Variants in ZNF555 observed in about 807,000 individuals in gnomAD.
The protein encoded by ZNF555 is zinc finger protein 555.
In ZNF555, 10 loss-of-function variants were observed where a neutral mutation model predicts 14.0. The observed-to-expected ratio is 0.72, with a 90% CI of 0.44 to 1.21. The LOEUF (loss-of-function observed/expected upper bound fraction) is 1.21. ZNF555 is among the 50% of genes most tolerant of loss of function. The pLI, the probability that ZNF555 is intolerant of heterozygous loss-of-function variation, is 0.00. For synonymous variants in ZNF555, 277 were observed against 262.4 expected (o/e 1.06, Z -0.54); for missense variants, 747 against 762.0 (o/e 0.98, Z 0.23).
Position 2,857,598 on chromosome 19 carries a change from C to T in ZNF555, c.*3646C>T, listed in dbSNP as rs1290831864. The T allele has an allele frequency of 6.6e-6, 1 of 152,116 alleles. No homozygotes were observed. The highest frequency in any genetic ancestry group is 1.5e-5 in the Non-Finnish European group (1 of 68,024). 9.4% of individuals were successfully genotyped at this position (152,116 alleles called of 1,614,324 possible). On this transcript the variant is annotated 3_prime_UTR_variant, in exon 4 of 4. Coordinates refer to ENST00000334241, the MANE Select transcript of ZNF555 (RefSeq NM_152791.5). ...TTGTAGTGGTGAAAACAAGCATTTG[C>T]AAAAACTCATAAGGCTACTCTTAAA... is the stretch of plus-strand genomic sequence containing the variant.
At chr19:2,844,383 G>A (rs1347430025) in intron 1 of ZNF555, among the ~76,000 whole-genome samples, 2 of 152,078 alleles carry the variant, frequency 1.3e-5, no homozygotes, top group South Asian at 2.1e-4. Context: ...GATTACAGGC[G>A]GGAGCCACTG....
In ZNF555 at chr19:2,857,792, A is replaced by G. The variant is rs1170580501; in HGVS notation, c.*3840A>G. Reference sequence around the variant, plus strand: ...CAGGAGGTTGAGGCTGCAGTGAACTATGATCATGCACTGCACTCTACACTG... The same window carrying G: ...CAGGAGGTTGAGGCTGCAGTGAACTGTGATCATGCACTGCACTCTACACTG... On this transcript the variant is annotated 3_prime_UTR_variant, in exon 4 of 4. Transcript: ENST00000334241. 6.6e-6 allele frequency: 1 copy of G among 152,182 alleles called. No homozygotes were observed. The highest frequency in any genetic ancestry group is 2.4e-5 in the African/African-American group (1 of 41,416). The allele number at this position is 152,182 out of a possible 1,614,324, so 9.4% of individuals were successfully genotyped here. A position where few individuals can be genotyped will look rare whatever the true frequency, so the allele number is the denominator to read the frequency against.
In ZNF555 at chr19:2,853,581, A is replaced by G. The variant is rs1816714085; in HGVS notation, c.1516A>G (p.Lys506Glu). ...ACATATGAGAAGACATACCGCAGAG[A>G]AACTCTATAAATGCAAGCAGTGTGG... is the stretch of plus-strand genomic sequence containing the variant. Reference protein sequence around the residue: ...QKHMRRHTAEKLYKCKQCGKA... With the variant: ...QKHMRRHTAEELYKCKQCGKA... Residue 506 changes from lysine to glutamate, a missense_variant, in exon 4 of 4, where the codon AAA becomes GAA. By Grantham distance (56) the Lys-to-Glu change is moderately conservative. Transcript: ENST00000334241. The G allele has an allele frequency of 6.2e-7, 1 of 1,609,448 alleles. No homozygotes were observed. The highest frequency in any genetic ancestry group is 8.5e-7 in the Non-Finnish European group (1 of 1,177,300).
chr19:2,847,160 C>G (rs1168161385), intron 1 of ZNF555: 1 of 152,158 alleles, frequency 6.6e-6, no homozygotes, highest in Non-Finnish European at 1.5e-5. Context: ...AAATATTTTA[C>G]CATTTTCTCT....
At position 2,853,979 on chromosome 19, in the gene ZNF555, A is replaced by AAGGAGTGTG. The variant is rs759897601; in HGVS notation, c.*28_*36dup. The AAGGAGTGTG allele has an allele frequency of 2.4e-5, 38 of 1,610,610 alleles. No homozygotes were observed. The highest frequency in any genetic ancestry group is 1.7e-4 in the Middle Eastern group (1 of 5,762). On this transcript the variant is annotated 3_prime_UTR_variant, in exon 4 of 4. Coordinates refer to ENST00000334241, the MANE Select transcript of ZNF555 (RefSeq NM_152791.5). ...TTCCTTATCCTGAAAGTGGACACTC[A>AAGGAGTGTG]AGGAGTGTGTCTGTAGTTCATTTGC...
rs1397792106 is a variant in ZNF555, at chr19:2,859,097, C to A, written c.*5145C>A. ...GGAAGTGGAGTTCCCGAACAGAAGC[C>A]CCTCAGTCTCCGGAAGCCCCGCCCG... On this transcript the variant is annotated 3_prime_UTR_variant, in exon 4 of 4. Coordinates refer to ENST00000334241, the MANE Select transcript of ZNF555 (RefSeq NM_152791.5). The A allele has an allele frequency of 6.6e-6, 1 of 152,336 alleles. No homozygotes were observed. Among genetic ancestry groups the A allele is most frequent in the Non-Finnish European group, 1.5e-5 (1 of 68,122 alleles). 9.4% of individuals were successfully genotyped at this position (152,336 alleles called of 1,614,324 possible).
At chr19:2,842,255 C>G (rs1199549946) in intron 1 of ZNF555, among the ~76,000 whole-genome samples, 1 of 152,196 alleles carries the variant, frequency 6.6e-6, no homozygotes, top group Non-Finnish European at 1.5e-5. Context: ...TTCTTGAGGA[C>G]TTCTTGTCCC....
chr19:2,848,180 C>G (rs1478254148), intron 1 of ZNF555, among the ~76,000 whole-genome samples: 1 of 149,568 alleles, frequency 6.7e-6, no homozygotes, highest in Non-Finnish European at 1.5e-5. Flanking sequence ...GAGCTGGAGT[C>G]TGGCTCTGTC....
Position 2,853,863 on chromosome 19 carries a change from C to T in ZNF555, c.1798C>T (p.Pro600Ser). Residue 600 changes from proline to serine, a missense_variant, in exon 4 of 4, where the codon CCT becomes TCT. Coordinates refer to ENST00000334241, the MANE Select transcript of ZNF555 (RefSeq NM_152791.5). The stretch of plus-strand genomic sequence containing the variant: ...GTATAAGTGTAATGTAGGACATCCT[C>T]CTGCAAATGAATTCATGTGCAGTGC... ...KQYKCNVGHP[P>S]ANEFMCSASE... The T allele has an allele frequency of 6.2e-7, 1 of 1,614,078 alleles. No homozygotes were observed. The highest frequency in any genetic ancestry group is 8.5e-7 in the Non-Finnish European group (1 of 1,180,024).
In ZNF555 at chr19:2,853,961, T is replaced by C. The variant is rs1027882798; in HGVS notation, c.*9T>C. 2 of 1,613,020 alleles carry C rather than the reference T, an allele frequency of 1.2e-6. No homozygotes were observed. Among genetic ancestry groups the C allele is most frequent in the East Asian group, 2.2e-5 (1 of 44,870 alleles). ...TGGTGTTGCCTTTATGAGTTCCTTA[T>C]CCTGAAAGTGGACACTCAAGGAGTG... On this transcript the variant is annotated 3_prime_UTR_variant, in exon 4 of 4. Coordinates refer to ENST00000334241, the MANE Select transcript of ZNF555 (RefSeq NM_152791.5).
rs1453504599 is a variant in ZNF555, at chr19:2,850,653, G to C, written c.70G>C (p.Ala24Pro). Residue 24 changes from alanine (A) to proline (P), a missense_variant, in exon 2 of 4, where the codon GCT (alanine) becomes CCT (proline). By Grantham distance (27) the Ala-to-Pro change is conservative. Coordinates refer to ENST00000334241, the MANE Select transcript of ZNF555 (RefSeq NM_152791.5). Reference protein sequence around the residue: ...TLEEWALLDSAQRDLYRDVML... With the variant: ...TLEEWALLDSPQRDLYRDVML... Reference sequence around the variant, plus strand: ...GGAGGAGTGGGCTTTGCTGGATTCTGCTCAGAGGGACCTCTACAGAGATGT... The same window carrying C: ...GGAGGAGTGGGCTTTGCTGGATTCTCCTCAGAGGGACCTCTACAGAGATGT... 2.5e-6 allele frequency: 4 copies of C among 1,613,858 alleles called. No individual in the cohort carries two copies. Among genetic ancestry groups the C allele is most frequent in the East Asian group, 2.2e-5 (1 of 44,886 alleles).
intron 1 of ZNF555, among the ~76,000 whole-genome samples, chr19:2,842,692 C>T (rs951307963): frequency 1.3e-5 from 2 of 152,034 alleles, no homozygotes; most frequent in Non-Finnish European, 2.9e-5. Context: ...TTCCTTTTTT[C>T]GAGTCAGCAG....
At chr19:2,852,306 A>C in intron 3 of ZNF555, 74 bp from the exon 4 acceptor site, 3 of 1,567,274 alleles carry the variant, frequency 1.9e-6, no homozygotes, top group Non-Finnish European at 2.6e-6. Context: ...AAAATGGTTA[A>C]GATGCAGTCC....
In ZNF555 at chr19:2,859,294, C is replaced by T. The variant is rs924215840; in HGVS notation, c.*5342C>T. 3 of 152,296 alleles carry T rather than the reference C, an allele frequency of 2.0e-5. No homozygotes were observed. The highest frequency in any genetic ancestry group is 7.2e-5 in the African/African-American group (3 of 41,464). The allele number at this position is 152,296 out of a possible 1,614,324, so 9.4% of individuals were successfully genotyped here. A position where few individuals can be genotyped will look rare whatever the true frequency, so the allele number is the denominator to read the frequency against. On this transcript the variant is annotated 3_prime_UTR_variant, in exon 4 of 4. Transcript: ENST00000334241. ...GGTACTGGAAGTGGCGGAAGCTCTCCTCTTGCCCTCTTCAGCTTCCGGTGT... is the reference window on the plus strand; with the variant it reads ...GGTACTGGAAGTGGCGGAAGCTCTCTTCTTGCCCTCTTCAGCTTCCGGTGT...
rs955628652 is a variant in ZNF555 at position 2,857,182 on chromosome 19, G to C, written c.*3230G>C. 5.9e-5 allele frequency: 9 copies of C among 152,214 alleles called. No homozygotes were observed. Among genetic ancestry groups the C allele is most frequent in the Non-Finnish European group, 1.0e-4 (7 of 68,038 alleles). The allele number at this position is 152,214 out of a possible 1,614,324, so 9.4% of individuals were successfully genotyped here. A position where few individuals can be genotyped will look rare whatever the true frequency, so the allele number is the denominator to read the frequency against. ...TCCATTACTTTCCATGTTAACATAA[G>C]TTTTCATAACGCTCTATAGATGAAT... On this transcript the variant is annotated 3_prime_UTR_variant, in exon 4 of 4. Transcript: ENST00000334241.
At position 2,852,620 on chromosome 19, in the gene ZNF555, A is replaced by G; in HGVS notation, c.555A>G (p.Ser185=). 6.2e-7 allele frequency: 1 copy of G among 1,614,214 alleles called. No individual in the cohort carries two copies. The highest frequency in any genetic ancestry group is 8.5e-7 in the Non-Finnish European group (1 of 1,180,040). Residue 185 remains serine, a synonymous_variant, in exon 4 of 4, where the codon TCA becomes TCG. Coordinates refer to ENST00000334241, the MANE Select transcript of ZNF555 (RefSeq NM_152791.5). ...GTGGGCAGGCCTACAGTTGTCGTTC[A>G]CACCTAAGAATGCATGTGAGAACCC... ...QECGQAYSCR[S]HLRMHVRTHN...
At chr19:2,841,623 GC>G in intron 1 of ZNF555, 48 bp downstream of exon 1, 1 of 1,472,110 alleles carries the variant, frequency 6.8e-7, no homozygotes, top group Non-Finnish European at 9.0e-7. Context: ...GCAGGAACCG[GC>G]GACCGCCCGA....
At chr19:2,842,137 C>T (rs2087542608) in intron 1 of ZNF555, among the ~76,000 whole-genome samples, 1 of 152,092 alleles carries the variant, frequency 6.6e-6, no homozygotes. Flanking sequence ...TGGGTTCCTC[C>T]CGGGACAGCC....
intron 1 of ZNF555, among the ~76,000 whole-genome samples, chr19:2,849,795 A>T (rs992977228): frequency 6.6e-6 from 1 of 151,830 alleles, no homozygotes; most frequent in Admixed American, 6.6e-5. Flanking sequence ...GCCCAAGAAT[A>T]CTTTCTTTCG....
Sources: allele counts gnomAD v4.1 joint callset (sites outside exome capture counted in the v4.1 genomes callset), GRCh38; gene constraint gnomAD v4.1.1; transcripts MANE v1.5; gene names NCBI Gene and HGNC (gene_info 2026-07-23, HGNC 2026-07-21).